PIEZO2: variants seen among roughly 807,000 people sequenced by gnomAD.
PIEZO2 encodes piezo type mechanosensitive ion channel component 2.
Under a neutral mutation model 337.3 loss-of-function variants are expected in PIEZO2, and 172 were observed. The observed-to-expected ratio is 0.51, with a 90% CI of 0.45 to 0.58. The LOEUF is 0.58. PIEZO2 is among the 20% of genes least tolerant of loss of function. The pLI, the probability that PIEZO2 is intolerant of heterozygous loss-of-function variation, is 0.00. For missense variants in PIEZO2, 3,028 were observed against 3,391.3 expected (o/e 0.89, Z 2.66); for synonymous variants, 1,251 against 1,228.5 (o/e 1.02, Z -0.38).
rs1382216219 is a variant in PIEZO2, at chr18:10,781,929, A to T, written c.2493-1563T>A. On this transcript the variant is annotated intron_variant, in intron 17 of 55. Transcript: ENST00000674853. The surrounding 1 kb of genome is among the most constrained non-coding windows in gnomAD (Gnocchi z 4.1). ...CAGAGAAAGCAAAGCCTGACAGTCA[A>T]TCCTAACTCTCAAAATATTCCTTTT... Among the ~76,000 whole-genome samples the T allele has an allele frequency of 6.6e-6, 1 of 152,064 alleles. No individual in the cohort carries two copies. The highest frequency in any genetic ancestry group is 2.4e-5 in the African/African-American group (1 of 41,418).
rs1377908843 is a variant in PIEZO2, at chr18:10,716,226, CT to C, written c.5090-411del. Among the ~76,000 whole-genome samples, 1 of 152,184 alleles carries C rather than the reference CT, an allele frequency of 6.6e-6. No individual in the cohort carries two copies. The highest frequency in any genetic ancestry group is 1.5e-5 in the Non-Finnish European group (1 of 68,032). On this transcript the variant is annotated intron_variant, in intron 37 of 55. Coordinates refer to ENST00000674853, the MANE Select transcript of PIEZO2 (RefSeq NM_001378183.1). The surrounding 1 kb of genome is among the most constrained non-coding windows in gnomAD (Gnocchi z 4.1). ...TCCACCTCTGCTGCCTCTGCCACCCCTAATACAGAAAAACCAACCCCTCTTC... is the reference window on the plus strand; with the variant it reads ...TCCACCTCTGCTGCCTCTGCCACCCCAATACAGAAAAACCAACCCCTCTTC...
chr18:10,784,901 A>G lies in PIEZO2; in HGVS notation c.2375T>C (p.Phe792Ser). 6.5e-7 allele frequency: 1 copy of G among 1,537,540 alleles called. No homozygotes were observed. The highest frequency in any genetic ancestry group is 8.7e-7 in the Non-Finnish European group (1 of 1,146,942). The change falls in exon 17 of 56, where the codon TTC becomes TCC. Residue 792 changes from phenylalanine to serine, a missense_variant. Physicochemically the swap from Phe to Ser is radical, Grantham distance 155. Coordinates refer to ENST00000674853, the MANE Select transcript of PIEZO2 (RefSeq NM_001378183.1). The surrounding 1 kb of genome is among the most constrained non-coding windows in gnomAD (Gnocchi z 4.5). ...CACCAGCAGAAAGGAGGTTGGGATGAATATGCGAGTGAATAGTTCAGCCAC... is the reference window on the plus strand; with the variant it reads ...CACCAGCAGAAAGGAGGTTGGGATGGATATGCGAGTGAATAGTTCAGCCAC... ...FTVAELFTRI[F>S]IPTSFLLVCI...
At chr18:10,907,861 A>G (rs1598665137) in intron 4 of PIEZO2, among the ~76,000 whole-genome samples, 1 of 152,366 alleles carries the variant, frequency 6.6e-6, no homozygotes, top group East Asian at 1.9e-4. Flanking sequence ...TTTTATCTAT[A>G]ATAAAAAAAA....
At position 11,129,267 on chromosome 18, in the gene PIEZO2, A is replaced by C. The variant is rs1315333552; in HGVS notation, c.64+19258T>G. Among the ~76,000 whole-genome samples the C allele has an allele frequency of 1.3e-5, 2 of 152,328 alleles. No homozygotes were observed. Among genetic ancestry groups the C allele is most frequent in the Non-Finnish European group, 1.5e-5 (1 of 68,028 alleles). Reference sequence around the variant, plus strand: ...ACAGTCACTCAACTACAAAACTTAAATACAATGAGAATAATTGGATCCCGA... The same window carrying C: ...ACAGTCACTCAACTACAAAACTTAACTACAATGAGAATAATTGGATCCCGA... On this transcript the variant is annotated intron_variant, in intron 1 of 55. Coordinates refer to ENST00000674853, the MANE Select transcript of PIEZO2 (RefSeq NM_001378183.1). This position sits in a 1 kb window ranked among gnomAD's most constrained non-coding sequence, Gnocchi z 4.6.
intron 40 of PIEZO2, 55 bp downstream of exon 40, chr18:10,708,220 A>C (rs2035666425): frequency 7.3e-6 from 1 of 137,078 alleles, no homozygotes; most frequent in African/African-American, 2.8e-5. Flanking sequence ...CAGTGACATA[A>C]AGGGGGGGAA....
At position 10,988,088 on chromosome 18, in the gene PIEZO2, T is replaced by C. The variant is rs1274423062; in HGVS notation, c.161-8428A>G. ...ATTAAGAGGTGGAACCTTTAGGATG[T>C]GATCAAGACATGAGGGTTGAGCTCT... On this transcript the variant is annotated intron_variant, in intron 2 of 55. Coordinates refer to ENST00000674853, the MANE Select transcript of PIEZO2 (RefSeq NM_001378183.1). This position sits in a 1 kb window ranked among gnomAD's most constrained non-coding sequence, Gnocchi z 4.8. Among the ~76,000 whole-genome samples, 1 of 152,158 alleles carries C rather than the reference T, an allele frequency of 6.6e-6. No individual in the cohort carries two copies. The highest frequency in any genetic ancestry group is 1.5e-5 in the Non-Finnish European group (1 of 68,016).
intron 43 of PIEZO2, among the ~76,000 whole-genome samples, chr18:10,700,133 A>G (rs896921258): frequency 6.6e-6 from 1 of 152,164 alleles, no homozygotes; most frequent in Non-Finnish European, 1.5e-5. Flanking sequence ...TTTCTTTCCT[A>G]TTATTTTAAG....
In PIEZO2 at chr18:11,116,439, C is replaced by T. The variant is rs1017101399; in HGVS notation, c.64+32086G>A. 3.3e-5 allele frequency among the ~76,000 whole-genome samples: 5 copies of T among 152,106 alleles called. No homozygotes were observed. The highest frequency in any genetic ancestry group is 2.6e-4 in the Admixed American group (4 of 15,254). The stretch of plus-strand genomic sequence containing the variant: ...GAAAGAATGAAATTTGCAGGCCGGG[C>T]GCGGTGGCTCACGCCTGTAAACCCA... On this transcript the variant is annotated intron_variant, in intron 1 of 55. Coordinates refer to ENST00000674853, the MANE Select transcript of PIEZO2 (RefSeq NM_001378183.1). The surrounding 1 kb of genome is among the most constrained non-coding windows in gnomAD (Gnocchi z 5.0).
At chr18:11,073,874 T>C (rs377697218) in intron 1 of PIEZO2, among the ~76,000 whole-genome samples, 21 of 137,610 alleles carry the variant, frequency 1.5e-4, no homozygotes, top group African/African-American at 5.4e-4. Flanking sequence ...TGAGACAGAG[T>C]CTGGCTCTGT....
Position 11,092,002 on chromosome 18 carries a change from TC to T in PIEZO2, c.65-25781del, listed in dbSNP as rs1417632347. On this transcript the variant is annotated intron_variant, in intron 1 of 55. Coordinates refer to ENST00000674853, the MANE Select transcript of PIEZO2 (RefSeq NM_001378183.1). This position sits in a 1 kb window ranked among gnomAD's most constrained non-coding sequence, Gnocchi z 4.5. Reference sequence around the variant, plus strand: ...GTGGTTTCCCCACGCTATTAGTGAATCATAGCCAGTATCCCAATAAAAGACT... The same window carrying T: ...GTGGTTTCCCCACGCTATTAGTGAATATAGCCAGTATCCCAATAAAAGACT... Among the ~76,000 whole-genome samples, 1 of 152,192 alleles carries T rather than the reference TC, an allele frequency of 6.6e-6. No homozygotes were observed. The highest frequency in any genetic ancestry group is 1.5e-5 in the Non-Finnish European group (1 of 68,036).
intron 5 of PIEZO2, among the ~76,000 whole-genome samples, chr18:10,866,098 T>C (rs1189982173): frequency 6.6e-6 from 1 of 152,224 alleles, no homozygotes; most frequent in Non-Finnish European, 1.5e-5. Context: ...TAAATGTTGC[T>C]AAATTAATTA....
At chr18:10,949,934 A>G (rs970491138) in intron 3 of PIEZO2, among the ~76,000 whole-genome samples, 4 of 152,228 alleles carry the variant, frequency 2.6e-5, no homozygotes, top group African/African-American at 9.6e-5. Flanking sequence ...CTTGAAAGAC[A>G]GCAATACATT....
intron 3 of PIEZO2, among the ~76,000 whole-genome samples, chr18:10,939,263 A>G (rs1328562051): frequency 6.9e-6 from 1 of 145,022 alleles, no homozygotes; most frequent in Non-Finnish European, 1.5e-5. Flanking sequence ...AAAAAGTTAT[A>G]TTATCTACCA....
intron 26 of PIEZO2, among the ~76,000 whole-genome samples, chr18:10,758,508 C>T (rs578031296): frequency 3.3e-5 from 5 of 152,098 alleles, no homozygotes; most frequent in East Asian, 3.9e-4. Context: ...TGCAGTGGTG[C>T]GATCTTGGCT....
chr18:11,136,763 A>T (rs2040501702), intron 1 of PIEZO2, among the ~76,000 whole-genome samples: 1 of 152,152 alleles, frequency 6.6e-6, no homozygotes, highest in South Asian at 2.1e-4. Context: ...ACCTACACAC[A>T]CCTGAGGTGT....
chr18:11,145,955 G>C (rs529348994), intron 1 of PIEZO2, among the ~76,000 whole-genome samples: 3 of 152,078 alleles, frequency 2.0e-5, no homozygotes, highest in Non-Finnish European at 4.4e-5. Flanking sequence ...AAAGCAACAG[G>C]TTCCAGGCTG....
chr18:10,960,924 AT>A (rs1489503274), intron 3 of PIEZO2, among the ~76,000 whole-genome samples: 1 of 152,158 alleles, frequency 6.6e-6, no homozygotes, highest in African/African-American at 2.4e-5. Flanking sequence ...CATGCCTGTA[AT>A]CCCAGCACTT....
At chr18:11,106,733 TG>T (rs2039580164) in intron 1 of PIEZO2, among the ~76,000 whole-genome samples, 1 of 152,114 alleles carries the variant, frequency 6.6e-6, no homozygotes, top group Non-Finnish European at 1.5e-5. Flanking sequence ...ACAAGGACAG[TG>T]GCATACAGTG....
In PIEZO2 at chr18:10,682,548, G is replaced by A. The variant is rs1455860335; in HGVS notation, c.7498-256C>T. 1.3e-5 allele frequency among the ~76,000 whole-genome samples: 2 copies of A among 152,118 alleles called. No individual in the cohort carries two copies. Among genetic ancestry groups the A allele is most frequent in the Non-Finnish European group, 2.9e-5 (2 of 68,030 alleles). On this transcript the variant is annotated intron_variant, in intron 49 of 55. Coordinates refer to ENST00000674853, the MANE Select transcript of PIEZO2 (RefSeq NM_001378183.1). The surrounding 1 kb of genome is among the most constrained non-coding windows in gnomAD (Gnocchi z 5.6). Reference sequence around the variant, plus strand: ...CCACAGGGGCCAACAGGACTTAAGCGGCCTTCTCCCTTCAAGACTGTGGGT... The same window carrying A: ...CCACAGGGGCCAACAGGACTTAAGCAGCCTTCTCCCTTCAAGACTGTGGGT...
Sources: allele counts gnomAD v4.1 joint callset (sites outside exome capture counted in the v4.1 genomes callset), GRCh38; gene constraint gnomAD v4.1.1; non-coding constraint Gnocchi (gnomAD v3.1); transcripts MANE v1.5; gene names NCBI Gene and HGNC (gene_info 2026-07-23, HGNC 2026-07-21).